Variants in SSBP4 observed in about 807,000 individuals in gnomAD.
The protein encoded by SSBP4 is single-stranded DNA-binding protein 4.
In SSBP4, 33 loss-of-function variants were observed where a neutral mutation model predicts 64.6. The observed-to-expected ratio is 0.51, with a 90% CI of 0.39 to 0.68. The LOEUF (loss-of-function observed/expected upper bound fraction) is 0.68. Ranked by LOEUF, SSBP4 falls within the 30% of genes least tolerant of loss-of-function variation. SSBP4 has a pLI of 0.00. For missense variants in SSBP4, 583 were observed against 566.8 expected (o/e 1.03, Z -0.29); for synonymous variants, 243 against 224.0 (o/e 1.08, Z -0.76).
At position 18,428,224 on chromosome 19, in the gene SSBP4, C is replaced by T. The variant is rs1973008919; in HGVS notation, c.279+242C>T. Among the ~76,000 whole-genome samples, 3 of 152,212 alleles carry T rather than the reference C, an allele frequency of 2.0e-5. No homozygotes were observed. The East Asian group carries it at 5.8e-4, about 29-fold the overall frequency. On this transcript the variant is annotated intron_variant, in intron 4 of 17. Transcript: ENST00000270061. Reference sequence around the variant, plus strand: ...GGGAAAGCTCTTTCCACTGCACACACTTCTGAGGGTCCCCACAGCCCTCCC... The same window carrying T: ...GGGAAAGCTCTTTCCACTGCACACATTTCTGAGGGTCCCCACAGCCCTCCC...
At chr19:18,433,994 C>G in intron 17 of SSBP4, 177 bp downstream of exon 17, 1 of 1,193,926 alleles carries the variant, frequency 8.4e-7, no homozygotes, top group Non-Finnish European at 1.0e-6. Context: ...CCCACCACCT[C>G]CCGCTCCTAT....
At chr19:18,422,484 T>G (rs1972531958) in intron 1 of SSBP4, among the ~76,000 whole-genome samples, 1 of 152,120 alleles carries the variant, frequency 6.6e-6, no homozygotes, top group African/African-American at 2.4e-5. Context: ...GGAGGTGAGG[T>G]TCCTCTATGA....
At chr19:18,409,290 G>A in the SSBP4 span, among the ~76,000 whole-genome samples, 2 of 151,184 alleles carry the variant, frequency 1.3e-5, no homozygotes, top group Non-Finnish European at 2.9e-5. Context: ...AGGTTCAAGC[G>A]ATTCTCTCGC....
At position 18,432,966 on chromosome 19, in the gene SSBP4, C is replaced by G. The variant is rs768884541; in HGVS notation, c.842-7C>G. ...GTCACACCTGGCACCCTTCTGGTCT[C>G]CCCCAGATTCCACCAACTCCAGCGA... On this transcript the variant is annotated splice_polypyrimidine_tract_variant and splice_region_variant and intron_variant, in intron 13 of 17. Coordinates refer to ENST00000270061, the MANE Select transcript of SSBP4 (RefSeq NM_032627.5). 1 of 1,614,142 alleles carries G rather than the reference C, an allele frequency of 6.2e-7. No homozygotes were observed. The highest frequency in any genetic ancestry group is 1.1e-5 in the South Asian group (1 of 91,086).
In SSBP4 at chr19:18,431,985, T is replaced by C. The variant is rs1421325344; in HGVS notation, c.566-15T>C. 6.4e-7 allele frequency: 1 copy of C among 1,551,610 alleles called. No individual in the cohort carries two copies. Among genetic ancestry groups the C allele is most frequent in the African/African-American group, 1.4e-5 (1 of 73,514 alleles). On this transcript the variant is annotated splice_polypyrimidine_tract_variant and intron_variant, in intron 8 of 17. Coordinates refer to ENST00000270061, the MANE Select transcript of SSBP4 (RefSeq NM_032627.5). The stretch of plus-strand genomic sequence containing the variant: ...TGGTCCAGGTCCAAGTCCCCTTCCT[T>C]CTGCCCCACCCCAGGGCATCCGAGC...
chr19:18,431,563 CG>C (rs1268173328), intron 6 of SSBP4, 83 bp from the exon 7 acceptor site: 4 of 1,484,418 alleles, frequency 2.7e-6, no homozygotes, highest in African/African-American at 2.8e-5. Flanking sequence ...CTCCCCAGGT[CG>C]GGGGCCCCAG....
At chr19:18,406,965 A>C in the SSBP4 span, among the ~76,000 whole-genome samples, 1 of 152,210 alleles carries the variant, frequency 6.6e-6, no homozygotes, top group Admixed American at 6.5e-5. Flanking sequence ...AAGCTGTGTG[A>C]CCTAGGACCC....
intron 1 of SSBP4, chr19:18,419,996 T>G (rs1972322063): frequency 1.3e-5 from 2 of 159,672 alleles, no homozygotes; most frequent in Non-Finnish European, 2.6e-5. Context: ...GTCGCGAGAT[T>G]GGCGGGGGCG....
chr19:18,433,171 G>T lies in SSBP4; in HGVS notation c.949G>T (p.Ala317Ser). 11 of 1,592,454 alleles carry T rather than the reference G, an allele frequency of 6.9e-6. No individual in the cohort carries two copies. The highest frequency in any genetic ancestry group is 9.4e-6 in the Non-Finnish European group (11 of 1,170,278). Reference protein sequence around the residue: ...LGPGPEGPMAAMSAMEPHHVN... With the variant: ...LGPGPEGPMASMSAMEPHHVN... ...CCCTGGCCCGGAGGGCCCCATGGCC[G>T]CCATGAGCGCGATGGAGCCTCACCA... The change falls in exon 15 of 18, where the codon GCC becomes TCC. Residue 317 changes from alanine (A) to serine (S), a missense_variant. By Grantham distance (99) the Ala-to-Ser change is moderately conservative. Around this residue, in one of 5 missense-constraint regions of SSBP4, gnomAD observed 444 missense variants for 386.6 expected, o/e 1.15. Coordinates refer to ENST00000270061, the MANE Select transcript of SSBP4 (RefSeq NM_032627.5).
upstream of SSBP4, among the ~76,000 whole-genome samples, chr19:18,414,732 A>C (rs1232964952): frequency 6.6e-6 from 1 of 152,142 alleles, no homozygotes; most frequent in South Asian, 2.1e-4. Flanking sequence ...GGTTTGGCAG[A>C]GGCTTCTTGG....
rs1208450542 is a variant in SSBP4, at chr19:18,432,165, C to G, written c.655C>G (p.Arg219Gly). 2 of 1,613,006 alleles carry G rather than the reference C, an allele frequency of 1.2e-6. No homozygotes were observed. Among genetic ancestry groups the G allele is most frequent in the Non-Finnish European group, 1.7e-6 (2 of 1,179,976 alleles). The change falls in exon 10 of 18, where the codon CGA (arginine) becomes GGA (glycine). Residue 219 changes from arginine to glycine, a missense_variant. Arg to Gly is a moderately radical substitution (Grantham distance 125). Transcript: ENST00000270061. ...TCCGCAGAGCTATGGAGGTGGCATG[C>G]GACCCCCACCCAACTCCCTCGCCGG... ...VGPQSYGGGM[R>G]PPPNSLAGPG...
At chr19:18,430,484 G>C (rs968047521) in intron 4 of SSBP4, among the ~76,000 whole-genome samples, 2 of 152,216 alleles carry the variant, frequency 1.3e-5, no homozygotes, top group Non-Finnish European at 2.9e-5. Flanking sequence ...CTAAGGTGGA[G>C]CCTTCAGGGA....
Position 18,419,489 on chromosome 19 carries a change from C to T in SSBP4, c.-160C>T. 1.8e-6 allele frequency: 2 copies of T among 1,090,076 alleles called. No individual in the cohort carries two copies. Among genetic ancestry groups the T allele is most frequent in the Non-Finnish European group, 2.2e-6 (2 of 897,174 alleles). The allele number at this position is 1,090,076 out of a possible 1,614,324, so 67.5% of individuals were successfully genotyped here. A position where few individuals can be genotyped will look rare whatever the true frequency, so the allele number is the denominator to read the frequency against. On this transcript the variant is annotated 5_prime_UTR_variant, in exon 1 of 18. Transcript: ENST00000270061. ...CTGGAGCCGCCGCTGCCGCCGCCGC[C>T]GCGGCCGTCTGGAGCTCCCCCGCGC... is the stretch of plus-strand genomic sequence containing the variant.
At chr19:18,419,392 G>A, upstream of SSBP4, 2 of 1,032,774 alleles carry the variant, frequency 1.9e-6, no homozygotes, top group Non-Finnish European at 2.3e-6. Context: ...GAGGAGGGGA[G>A]CGCGCGTTTC....
chr19:18,428,007 G>A, intron 4 of SSBP4, 25 bp downstream of exon 4: 2 of 1,603,830 alleles, frequency 1.2e-6, no homozygotes, highest in South Asian at 1.1e-5. Context: ...CAGGGACTCA[G>A]GGGCTCCAGG....
the SSBP4 span, among the ~76,000 whole-genome samples, chr19:18,404,891 C>CA: frequency 7.2e-3 from 320 of 44,340 alleles, 11 homozygotes; most frequent in Middle Eastern, 0.034. Flanking sequence ...GACTCCATCT[C>CA]AAAAAAAAAA....
rs1467997918 is a variant in SSBP4 at position 18,426,403 on chromosome 19, C to T, written c.60-948C>T. Among the ~76,000 whole-genome samples the T allele has an allele frequency of 1.3e-5, 2 of 152,336 alleles. No individual in the cohort carries two copies. The highest frequency in any genetic ancestry group is 2.1e-4 in the South Asian group (1 of 4,828). ...AGTCCCCCAACCCCCAGCAGACTCT[C>T]GTGGTCCCTAGCTGGACAGTACAAG... On this transcript the variant is annotated intron_variant, in intron 1 of 17. Coordinates refer to ENST00000270061, the MANE Select transcript of SSBP4 (RefSeq NM_032627.5). The surrounding 1 kb of genome is among the most constrained non-coding windows in gnomAD (Gnocchi z 4.5).
In SSBP4 at chr19:18,434,210, T is replaced by A; in HGVS notation, c.1129-7T>A. On this transcript the variant is annotated splice_region_variant and splice_polypyrimidine_tract_variant and intron_variant, in intron 17 of 17. Transcript: ENST00000270061. ...CCCCTGCGCGCTGCCCCCTCCTCTC[T>A]CCGCAGTACTCGCCAGGGATGACCA... 1 of 1,611,268 alleles carries A rather than the reference T, an allele frequency of 6.2e-7. No homozygotes were observed.
rs1020893040 is a variant in SSBP4 at position 18,426,393 on chromosome 19, A to C, written c.60-958A>C. Among the ~76,000 whole-genome samples the C allele has an allele frequency of 9.9e-5, 15 of 152,128 alleles. No homozygotes were observed. The highest frequency in any genetic ancestry group is 3.4e-4 in the African/African-American group (14 of 41,420). ...TGAATCTAAGAGTCCCCCAACCCCCAGCAGACTCTCGTGGTCCCTAGCTGG... is the reference window on the plus strand; with the variant it reads ...TGAATCTAAGAGTCCCCCAACCCCCCGCAGACTCTCGTGGTCCCTAGCTGG... On this transcript the variant is annotated intron_variant, in intron 1 of 17. Coordinates refer to ENST00000270061, the MANE Select transcript of SSBP4 (RefSeq NM_032627.5). This position sits in a 1 kb window ranked among gnomAD's most constrained non-coding sequence, Gnocchi z 4.5.
Sources: allele counts gnomAD v4.1 joint callset (sites outside exome capture counted in the v4.1 genomes callset), GRCh38; gene constraint gnomAD v4.1.1; regional missense constraint gnomAD v4.1.1; non-coding constraint Gnocchi (gnomAD v3.1); transcripts MANE v1.5; gene names NCBI Gene and HGNC (gene_info 2026-07-23, HGNC 2026-07-21).